Variants in EHMT1 observed in about 807,000 individuals in gnomAD.
EHMT1 encodes euchromatic histone lysine methyltransferase 1, also known as histone-lysine N-methyltransferase EHMT1.
EHMT1 carries 15 observed loss-of-function variants against 147.2 expected under a neutral mutation model. The observed-to-expected ratio is 0.10, with a 90% CI of 0.07 to 0.16. The LOEUF is 0.16. Among genes scored for constraint, EHMT1 ranks in the 10% least tolerant of loss-of-function variants. The pLI is 1.00. For missense variants in EHMT1, 1,587 were observed against 1,772.4 expected, an observed-to-expected ratio of 0.90 and a Z score of 1.88; for synonymous variants, 795 against 709.6, an observed-to-expected ratio of 1.12 and a Z score of -1.91.
At position 137,754,399 on chromosome 9, in the gene EHMT1, A is replaced by G. The variant is rs1446836551; in HGVS notation, c.1369+108A>G. ...GTAGGATTTCATTAGAAAAGAGGGC[A>G]TCACTGTTTAAAAAAAATGTTTGAA... On this transcript the variant is annotated intron_variant, in intron 8 of 26. Coordinates refer to ENST00000460843, the MANE Select transcript of EHMT1 (RefSeq NM_024757.5). The G allele has an allele frequency of 2.8e-6, 4 of 1,449,908 alleles. No homozygotes were observed. The Admixed American group carries it at 9.6e-5, about 35-fold the overall frequency. 89.8% of individuals were successfully genotyped at this position (1,449,908 alleles called of 1,614,324 possible). A position where few individuals can be genotyped will look rare whatever the true frequency, so the allele number is the denominator to read the frequency against.
intron 1 of EHMT1, among the ~76,000 whole-genome samples, chr9:137,630,662 A>G (rs562464882): frequency 1.3e-5 from 2 of 152,210 alleles, no homozygotes; most frequent in African/African-American, 4.8e-5. Context: ...GTGCCGTTGT[A>G]CTTCCTCTGT....
At chr9:137,620,593 A>G (rs1350402508) in intron 1 of EHMT1, among the ~76,000 whole-genome samples, 5 of 152,056 alleles carry the variant, frequency 3.3e-5, no homozygotes, top group Admixed American at 3.3e-4. Context: ...GGGTTTCACC[A>G]TGTTGCCCAG....
chr9:137,635,567 T>C (rs958985703), intron 1 of EHMT1, among the ~76,000 whole-genome samples: 2 of 148,848 alleles, frequency 1.3e-5, no homozygotes, highest in South Asian at 2.4e-4. Context: ...ACGCCTGTAA[T>C]CCCAGCACTT....
chr9:137,650,007 C>G (rs1368868407), intron 1 of EHMT1, among the ~76,000 whole-genome samples: 1 of 152,156 alleles, frequency 6.6e-6, no homozygotes. Context: ...CTTTGAGGAA[C>G]TGTGTTTTTA....
intron 6 of EHMT1, among the ~76,000 whole-genome samples, chr9:137,748,133 G>A (rs1368040278): frequency 6.6e-6 from 1 of 152,032 alleles, no homozygotes; most frequent in Non-Finnish European, 1.5e-5. Flanking sequence ...GATCAAAACT[G>A]TTATCATACT....
intron 1 of EHMT1, among the ~76,000 whole-genome samples, chr9:137,707,572 G>A (rs1423722732): frequency 1.3e-5 from 2 of 152,238 alleles, no homozygotes; most frequent in African/African-American, 4.8e-5. Flanking sequence ...CTGGCATGTT[G>A]GTCAGTGCTT....
Position 137,711,043 on chromosome 9 carries a change from T to G in EHMT1, c.85+13T>G. 6.3e-7 allele frequency: 1 copy of G among 1,584,494 alleles called. No individual in the cohort carries two copies. Among genetic ancestry groups the G allele is most frequent in the Non-Finnish European group, 8.6e-7 (1 of 1,166,116 alleles). On this transcript the variant is annotated intron_variant, in intron 2 of 26. Coordinates refer to ENST00000460843, the MANE Select transcript of EHMT1 (RefSeq NM_024757.5). ...CTGCTGGGAGAAGGTGAGGGCGGTGTGCACCGAGGGACAGGAGCAGCGCCT... is the reference window on the plus strand; with the variant it reads ...CTGCTGGGAGAAGGTGAGGGCGGTGGGCACCGAGGGACAGGAGCAGCGCCT...
At chr9:137,789,694 C>T (rs947377423) in intron 15 of EHMT1, among the ~76,000 whole-genome samples, 2 of 152,144 alleles carry the variant, frequency 1.3e-5, no homozygotes, top group Non-Finnish European at 2.9e-5. Context: ...GTCTCCTGAG[C>T]CTCTCACTTG....
chr9:137,717,151 G>T lies in EHMT1; in HGVS notation c.611G>T (p.Arg204Leu). Residue 204 changes from arginine to leucine, a missense_variant, in exon 3 of 27, where the codon CGC becomes CTC. Around this residue, in one of 7 missense-constraint regions of EHMT1, gnomAD observed 810 missense variants for 673.0 expected, o/e 1.20. Coordinates refer to ENST00000460843, the MANE Select transcript of EHMT1 (RefSeq NM_024757.5). The stretch of plus-strand genomic sequence containing the variant: ...GCCGACGTCAAGGTCCACAGGGCAC[G>T]CAAGACCATGCCGAAGTCCGTCGTG... ...PGADVKVHRA[R>L]KTMPKSVVGL... is the part of the protein sequence containing the mutation. 1 of 1,612,434 alleles carries T rather than the reference G, an allele frequency of 6.2e-7. No individual in the cohort carries two copies. Among genetic ancestry groups the T allele is most frequent in the Non-Finnish European group, 8.5e-7 (1 of 1,179,982 alleles).
In EHMT1 at chr9:137,716,879, C is replaced by G. The variant is rs1455743308; in HGVS notation, c.339C>G (p.Asp113Glu). The G allele has an allele frequency of 6.2e-7, 1 of 1,613,260 alleles. No homozygotes were observed. Among genetic ancestry groups the G allele is most frequent in the Middle Eastern group, 1.7e-4 (1 of 6,058 alleles). The change falls in exon 3 of 27, where the codon GAC becomes GAG. Residue 113 changes from aspartate to glutamate, a missense_variant. Transcript: ENST00000460843. Reference protein sequence around the residue: ...AAKQNHVTADDFVQTSVIGSN... With the variant: ...AAKQNHVTADEFVQTSVIGSN... ...AGCAAAACCACGTCACTGCCGACGA[C>G]TTTGTGCAGACTTCTGTCATCGGCA...
intron 18 of EHMT1, among the ~76,000 whole-genome samples, chr9:137,805,510 C>G (rs1404931362): frequency 6.6e-6 from 1 of 152,268 alleles, no homozygotes; most frequent in Non-Finnish European, 1.5e-5. Flanking sequence ...TAGGCAAGTA[C>G]TGTCCTTTCT....
At chr9:137,803,384 C>A (rs1953662943) in intron 18 of EHMT1, 2 of 802,056 alleles carry the variant, frequency 2.5e-6, no homozygotes, top group Admixed American at 6.2e-5. Context: ...CCATGCCCAG[C>A]CCACCCCTGC....
rs76228414 is a variant in EHMT1 at position 137,640,937 on chromosome 9, A to G, written c.21+21888A>G. 2.3e-3 allele frequency: 368 copies of G among 162,774 alleles called. 13 individuals are homozygous for G. In the East Asian group the frequency reaches 0.056, roughly 25 times the overall value. The allele number at this position is 162,774 out of a possible 1,614,324, so 10.1% of individuals were successfully genotyped here. ...CACAAGAGGGAAAAAGCAAGACTGC[A>G]CCTTGCTCCCGGGAACTGGAGACAG... On this transcript the variant is annotated intron_variant, in intron 1 of 26. Transcript: ENST00000460843.
intron 1 of EHMT1, among the ~76,000 whole-genome samples, chr9:137,641,761 C>T (rs932424890): frequency 3.3e-5 from 5 of 152,160 alleles, no homozygotes; most frequent in South Asian, 2.1e-4. Flanking sequence ...GGGGTCATTC[C>T]GGGAGGAGAG....
intron 4 of EHMT1, chr9:137,738,703 G>A (rs1263321143): frequency 6.6e-6 from 1 of 152,202 alleles, no homozygotes; most frequent in Non-Finnish European, 1.5e-5. Context: ...AGTGACGTGT[G>A]ACTCAGCCTG....
intron 2 of EHMT1, among the ~76,000 whole-genome samples, chr9:137,714,967 C>G (rs186277841): frequency 6.6e-6 from 1 of 152,108 alleles, no homozygotes; most frequent in East Asian, 1.9e-4. Flanking sequence ...TGGCAAATTT[C>G]CTAATACCCT....
At position 137,817,608 on chromosome 9, in the gene EHMT1, T is replaced by C; in HGVS notation, c.3461+83T>C. ...CTGTGTCTGTACTTCAGGAAGCCCC[T>C]CTGGGAGCAGGCACATCCCTGGCGT... On this transcript the variant is annotated intron_variant, in intron 24 of 26. Coordinates refer to ENST00000460843, the MANE Select transcript of EHMT1 (RefSeq NM_024757.5). The C allele has an allele frequency of 1.9e-6, 3 of 1,566,844 alleles. No homozygotes were observed. The South Asian group carries it at 3.4e-5, about 18-fold the overall frequency.
At position 137,775,171 on chromosome 9, in the gene EHMT1, G is replaced by A. The variant is rs746769518; in HGVS notation, c.1710G>A (p.Pro570=). The A allele has an allele frequency of 1.3e-5, 21 of 1,613,842 alleles. No homozygotes were observed. Among genetic ancestry groups the A allele is most frequent in the Admixed American group, 3.3e-5 (2 of 60,012 alleles). The change falls in exon 11 of 27, where the codon CCG becomes CCA. Residue 570 remains proline, a synonymous_variant. Transcript: ENST00000460843. This position sits in a 1 kb window ranked among gnomAD's most constrained non-coding sequence, Gnocchi z 6.1. ...YELMRPSNKA[P]LLVLCEDHRG... is the part of the protein sequence containing the mutation. ...TGATGCGCCCCTCCAACAAGGCCCC[G>A]CTCCTCGTGCTGTGTGAAGACCACC...
intron 1 of EHMT1, among the ~76,000 whole-genome samples, chr9:137,678,755 C>G (rs550594490): frequency 1.5e-5 from 2 of 132,894 alleles, no homozygotes; most frequent in Non-Finnish European, 3.2e-5. Flanking sequence ...TCTACTCAGT[C>G]GGCGTCTTGT....
Sources: gnomAD v4.1 joint callset for allele counts (sites outside exome capture counted in the v4.1 genomes callset) on GRCh38, gnomAD v4.1.1 for gene constraint, gnomAD v4.1.1 regional missense constraint, Gnocchi (gnomAD v3.1) non-coding constraint, MANE v1.5 for transcripts, NCBI Gene and HGNC (gene_info 2026-07-23, HGNC 2026-07-21) for gene names.